Variants in PCDHA1 observed in about 807,000 individuals in gnomAD.
The protein encoded by PCDHA1 is protocadherin alpha-1.
A neutral mutation model predicts 61.3 loss-of-function variants in PCDHA1; 42 were observed. The observed-to-expected ratio is 0.69, with a 90% CI of 0.54 to 0.89. The LOEUF is 0.89. PCDHA1 is among the 40% of genes least tolerant of loss of function. The pLI is 0.00. For synonymous variants in PCDHA1, 610 were observed against 553.8 expected (o/e 1.10, Z -1.43); for missense variants, 1,256 against 1,235.3 (o/e 1.02, Z -0.25).
chr5:140,914,783 A>G (rs1445627539), intron 1 of PCDHA1, among the ~76,000 whole-genome samples: 1 of 151,972 alleles, frequency 6.6e-6, no homozygotes, highest in Admixed American at 6.6e-5. Context: ...TTATCTTATG[A>G]CCCATTATTT....
chr5:140,871,103 C>T lies in PCDHA1; in HGVS notation c.2394+82419C>T, dbSNP rs202137231. On this transcript the variant is annotated intron_variant, in intron 1 of 3. Coordinates refer to ENST00000504120, the MANE Select transcript of PCDHA1 (RefSeq NM_018900.4). Reference sequence around the variant, plus strand: ...ACGGCCACGGCCACCGTGCTGGTGTCGTTGGTGGAGAGCGGACAGGCGCCA... The same window carrying T: ...ACGGCCACGGCCACCGTGCTGGTGTTGTTGGTGGAGAGCGGACAGGCGCCA... 4 of 1,613,290 alleles carry T rather than the reference C, an allele frequency of 2.5e-6. No individual in the cohort carries two copies. The Admixed American group carries it at 5.0e-5, about 20-fold the overall frequency.
chr5:140,900,566 G>A (rs1554189260), intron 1 of PCDHA1, among the ~76,000 whole-genome samples: 1 of 152,054 alleles, frequency 6.6e-6, no homozygotes, highest in Non-Finnish European at 1.5e-5. Flanking sequence ...CGTGAGCCAC[G>A]GCACCGGCCC....
At chr5:140,849,809 G>A (rs147465571) in intron 1 of PCDHA1, 3 of 1,598,384 alleles carry the variant, frequency 1.9e-6, no homozygotes, top group East Asian at 2.2e-5. Context: ...TGTGGGCCAC[G>A]GCCAGGGTGT....
intron 1 of PCDHA1, chr5:140,968,459 G>A (rs1554230743): frequency 6.2e-7 from 1 of 1,614,094 alleles, no homozygotes; most frequent in African/African-American, 1.3e-5. Flanking sequence ...CACTGTGACT[G>A]CCAACGTATA....
intron 1 of PCDHA1, chr5:140,834,765 G>T: frequency 1.2e-6 from 2 of 1,614,098 alleles, no homozygotes; most frequent in African/African-American, 1.3e-5. Context: ...GGACATTAAC[G>T]ACAACCCTCC....
intron 1 of PCDHA1, chr5:140,825,365 TAAATATCTA>T (rs1226822956): frequency 1.4e-5 from 2 of 147,138 alleles, no homozygotes; most frequent in African/African-American, 5.0e-5. Context: ...ATTAGATATA[TAAATATCTA>T]AAATATCTAA....
At chr5:140,796,967 C>T (rs1329629372) in intron 1 of PCDHA1, 2 of 1,613,788 alleles carry the variant, frequency 1.2e-6, no homozygotes, top group African/African-American at 1.3e-5. Context: ...GTGTTAGTGT[C>T]GTTGGTGGAA....
At chr5:140,894,043 C>G (rs1562874850) in intron 1 of PCDHA1, among the ~76,000 whole-genome samples, 1 of 152,050 alleles carries the variant, frequency 6.6e-6, no homozygotes, top group Non-Finnish European at 1.5e-5. Flanking sequence ...AATGTAAGTC[C>G]TCTGTTGAAT....
intron 1 of PCDHA1, chr5:140,796,785 T>G (rs1762137081): frequency 1.2e-6 from 2 of 1,613,970 alleles, no homozygotes; most frequent in Non-Finnish European, 1.7e-6. Flanking sequence ...ACGCGTGGCT[T>G]TCGTACGAGC....
chr5:140,787,956 C>T lies in PCDHA1; in HGVS notation c.1666C>T (p.Leu556=), dbSNP rs1761416565. The change falls in exon 1 of 4, where the codon CTG becomes TTG. Residue 556 remains leucine (L), a synonymous_variant. Transcript: ENST00000504120. ...GSNVTLQVFV[L]DENDNAPALL... ...CAACGTGACGCTGCAGGTGTTCGTG[C>T]TGGACGAGAACGACAACGCGCCGGC... 6.2e-7 allele frequency: 1 copy of T among 1,613,740 alleles called. No homozygotes were observed. The highest frequency in any genetic ancestry group is 8.5e-7 in the Non-Finnish European group (1 of 1,179,884).
At chr5:141,006,584 G>C (rs1554260824) in intron 3 of PCDHA1, among the ~76,000 whole-genome samples, 2 of 152,126 alleles carry the variant, frequency 1.3e-5, no homozygotes, top group Admixed American at 6.6e-5. Flanking sequence ...GAGGGTTGGA[G>C]AGAAGCAAAA....
intron 1 of PCDHA1, chr5:140,968,773 A>G (rs528972800): frequency 4.3e-6 from 7 of 1,614,206 alleles, no homozygotes; most frequent in Non-Finnish European, 5.1e-6. Flanking sequence ...GAGAGCCATC[A>G]CTATCAGCCT....
chr5:140,885,603 T>G (rs2060651521), intron 1 of PCDHA1, among the ~76,000 whole-genome samples: 1 of 152,202 alleles, frequency 6.6e-6, no homozygotes, highest in South Asian at 2.1e-4. Context: ...ATATTAATAA[T>G]TTTAATTATA....
chr5:140,969,286 T>C (rs2096315830), intron 1 of PCDHA1: 3 of 1,614,076 alleles, frequency 1.9e-6, no homozygotes, highest in Admixed American at 1.7e-5. Flanking sequence ...GTCAGAATGC[T>C]GGGAACCTGA....
At chr5:140,925,690 G>A (rs1029124411) in intron 1 of PCDHA1, among the ~76,000 whole-genome samples, 6 of 149,642 alleles carry the variant, frequency 4.0e-5, no homozygotes, top group African/African-American at 7.4e-5. Context: ...GCGAGGGTGG[G>A]TATCTAGCCT....
chr5:140,823,839 C>A (rs2150129665), intron 1 of PCDHA1: 2 of 1,613,784 alleles, frequency 1.2e-6, no homozygotes, highest in Non-Finnish European at 1.7e-6. Flanking sequence ...CTGTGGGTCC[C>A]GAGGCTGCCC....
rs1554117821 is a variant in PCDHA1, at chr5:140,787,441, A to C, written c.1151A>C (p.Gln384Pro). Residue 384 changes from glutamine (Q) to proline (P), a missense_variant, in exon 1 of 4, where the codon CAG becomes CCG. Coordinates refer to ENST00000504120, the MANE Select transcript of PCDHA1 (RefSeq NM_018900.4). ...GACCGTGACTCAGGTGCCAACGGGC[A>C]GGTGACTTGCTCCTTAATGCCCCAC... ...VSDRDSGANG[Q>P]VTCSLMPHVP... 6.2e-7 allele frequency: 1 copy of C among 1,614,246 alleles called. No homozygotes were observed.
rs781950915 is a variant in PCDHA1 at position 140,855,998 on chromosome 5, G to A, written c.2394+67314G>A. On this transcript the variant is annotated intron_variant, in intron 1 of 3. Coordinates refer to ENST00000504120, the MANE Select transcript of PCDHA1 (RefSeq NM_018900.4). ...TAGGACAGAAAATGTCAGATCGTAT[G>A]TGCGTTCTAGACCGCTGATTCGTCG... 3.7e-5 allele frequency: 56 copies of A among 1,511,288 alleles called. 3 individuals are homozygous for A. Among genetic ancestry groups the A allele is most frequent in the Non-Finnish European group, 4.9e-5 (55 of 1,120,558 alleles). 93.6% of individuals were successfully genotyped at this position (1,511,288 alleles called of 1,614,324 possible). A position where few individuals can be genotyped will look rare whatever the true frequency, so the allele number is the denominator to read the frequency against.
intron 1 of PCDHA1, chr5:140,822,789 A>G (rs1767433186): frequency 1.2e-6 from 2 of 1,614,044 alleles, no homozygotes; most frequent in Non-Finnish European, 8.5e-7. Context: ...TAGTAGTGAA[A>G]CTCCTGGATG....
Sources: allele counts gnomAD v4.1 joint callset (sites outside exome capture counted in the v4.1 genomes callset), GRCh38; gene constraint gnomAD v4.1.1; transcripts MANE v1.5; gene names NCBI Gene and HGNC (gene_info 2026-07-23, HGNC 2026-07-21).